The following GJC1 variants were observed in gnomAD, a reference collection of about 807,000 sequenced individuals.
The protein encoded by GJC1 is gap junction gamma-1 protein.
In GJC1, 5 loss-of-function variants were observed where a neutral mutation model predicts 29.3. The ratio of observed to expected loss-of-function variants is 0.17; its 90% CI spans 0.09 to 0.36. The LOEUF (loss-of-function observed/expected upper bound fraction) is 0.36, where lower values mean the gene tolerates loss of function less well. GJC1 is among the 10% of genes least tolerant of loss of function. The pLI, the probability that GJC1 is intolerant of heterozygous loss-of-function variation, is 1.00. For missense variants in GJC1, 310 were observed against 496.2 expected, an observed-to-expected ratio of 0.62 and a Z score of 3.56; for synonymous variants, 177 against 183.3, an observed-to-expected ratio of 0.97 and a Z score of 0.28.
chr17:44,816,633 G>C (rs768101182), intron 1 of GJC1, among the ~76,000 whole-genome samples: 31 of 152,036 alleles, frequency 2.0e-4, no homozygotes, highest in Non-Finnish European at 3.2e-4. Flanking sequence ...AGCTTCTCGA[G>C]TAGCTGGGAT....
At position 44,801,530 on chromosome 17, in the gene GJC1, G is replaced by T. The variant is rs1322976717; in HGVS notation, c.*3097C>A. ...ATACAAATCCCACCTGCATGATCCA[G>T]AACAATATTCTTACAGATTCAATGC... On this transcript the variant is annotated 3_prime_UTR_variant, in exon 3 of 3. Coordinates refer to ENST00000592524, the MANE Select transcript of GJC1 (RefSeq NM_005497.4). 1 of 152,038 alleles carries T rather than the reference G, an allele frequency of 6.6e-6. No individual in the cohort carries two copies. The highest frequency in any genetic ancestry group is 2.4e-5 in the African/African-American group (1 of 41,394). The allele number at this position is 152,038 out of a possible 1,614,324, so 9.4% of individuals were successfully genotyped here.
chr17:44,823,679 TG>T (rs1222413901), intron 1 of GJC1, among the ~76,000 whole-genome samples: 1 of 151,682 alleles, frequency 6.6e-6, no homozygotes, highest in Non-Finnish European at 1.5e-5. Flanking sequence ...CTGTGATTAC[TG>T]GTGTGAGGCA....
At position 44,830,236 on chromosome 17, in the gene GJC1, T is replaced by TGCC. The variant is rs997845649; in HGVS notation, c.-274_-272dup. ...CCGAGGCAGAAGCCGCTCCCGCCGC[T>TGCC]GCCGCCGCCGCCGCCGCCTCCCGCT... On this transcript the variant is annotated 5_prime_UTR_variant, in exon 1 of 3. Transcript: ENST00000592524. This position sits in a 1 kb window ranked among gnomAD's most constrained non-coding sequence, Gnocchi z 4.3. The TGCC allele has an allele frequency of 5.5e-4, 89 of 160,608 alleles. No individual in the cohort carries two copies. The highest frequency in any genetic ancestry group is 1.0e-3 in the South Asian group (6 of 5,816). The allele number at this position is 160,608 out of a possible 1,614,324, so 9.9% of individuals were successfully genotyped here. A position where few individuals can be genotyped will look rare whatever the true frequency, so the allele number is the denominator to read the frequency against.
chr17:44,818,213 C>CA (rs939249813), intron 1 of GJC1, among the ~76,000 whole-genome samples: 5 of 151,098 alleles, frequency 3.3e-5, no homozygotes, highest in African/African-American at 7.3e-5. Flanking sequence ...AACTCTGTCT[C>CA]AAAAAAACAA....
chr17:44,812,718 G>C (rs2145327611), intron 1 of GJC1, among the ~76,000 whole-genome samples: 1 of 151,836 alleles, frequency 6.6e-6, no homozygotes, highest in Middle Eastern at 3.4e-3. Context: ...CACAATCTCG[G>C]CTCTCTGCAA....
intron 1 of GJC1, among the ~76,000 whole-genome samples, chr17:44,814,866 CG>C (rs1459221485): frequency 6.6e-6 from 1 of 151,544 alleles, no homozygotes; most frequent in Non-Finnish European, 1.5e-5. Flanking sequence ...CACTTGAACC[CG>C]GGGGGCGGAG....
In GJC1 at chr17:44,808,631, G is replaced by A. The variant is rs2049940019; in HGVS notation, c.-96-1162C>T. ...ACACCCCCAAAATTAGCATGGTGAC[G>A]CACACCTGTGGTCCCAGCTACTTGG... is the stretch of plus-strand genomic sequence containing the variant. On this transcript the variant is annotated intron_variant, in intron 1 of 2. Coordinates refer to ENST00000592524, the MANE Select transcript of GJC1 (RefSeq NM_005497.4). Among the ~76,000 whole-genome samples, 4 of 152,184 alleles carry A rather than the reference G, an allele frequency of 2.6e-5. No homozygotes were observed. In the South Asian group the frequency reaches 6.2e-4, roughly 24 times the overall value.
chr17:44,802,911 A>T lies in GJC1; in HGVS notation c.*1716T>A, dbSNP rs1470418607. On this transcript the variant is annotated 3_prime_UTR_variant, in exon 3 of 3. Coordinates refer to ENST00000592524, the MANE Select transcript of GJC1 (RefSeq NM_005497.4). ...CCAGCTAATCAAGAGGCTGAGGTGG[A>T]ATGATTGCTTGAGCCTGGGAGGCAG... is the stretch of plus-strand genomic sequence containing the variant. The T allele has an allele frequency of 1.3e-5, 2 of 152,062 alleles. No homozygotes were observed. Among genetic ancestry groups the T allele is most frequent in the African/African-American group, 2.4e-5 (1 of 41,392 alleles). 9.4% of individuals were successfully genotyped at this position (152,062 alleles called of 1,614,324 possible). A position where few individuals can be genotyped will look rare whatever the true frequency, so the allele number is the denominator to read the frequency against.
At chr17:44,810,050 G>A (rs1383925825) in intron 1 of GJC1, among the ~76,000 whole-genome samples, 1 of 150,010 alleles carries the variant, frequency 6.7e-6, no homozygotes, top group African/African-American at 2.5e-5. Context: ...TTTTTGTAGA[G>A]ACTGGGTTTC....
In GJC1 at chr17:44,799,602, T is replaced by G. The variant is rs946604347; in HGVS notation, c.*5025A>C. ...ATTATTAACACTGATTAATAACACA[T>G]GAACCAAACCCACTTAATATCATTA... On this transcript the variant is annotated 3_prime_UTR_variant, in exon 3 of 3. Transcript: ENST00000592524. 2.6e-5 allele frequency: 4 copies of G among 151,808 alleles called. No homozygotes were observed. The highest frequency in any genetic ancestry group is 4.4e-5 in the Non-Finnish European group (3 of 67,936). The allele number at this position is 151,808 out of a possible 1,614,324, so 9.4% of individuals were successfully genotyped here. A position where few individuals can be genotyped will look rare whatever the true frequency, so the allele number is the denominator to read the frequency against.
At chr17:44,797,079 GCTAT>G (rs920895338), downstream of GJC1, among the ~76,000 whole-genome samples, 34 of 151,874 alleles carry the variant, frequency 2.2e-4, no homozygotes, top group African/African-American at 4.6e-4. Context: ...TCTATATATC[GCTAT>G]CTCTCTCTGT....
chr17:44,819,690 AT>A (rs2050086478), intron 1 of GJC1, among the ~76,000 whole-genome samples: 5 of 151,408 alleles, frequency 3.3e-5, no homozygotes, highest in Admixed American at 1.3e-4. Flanking sequence ...AAATAAATAA[AT>A]AAATAAATAA....
At chr17:44,821,102 C>T (rs1040811172) in intron 1 of GJC1, among the ~76,000 whole-genome samples, 34 of 152,142 alleles carry the variant, frequency 2.2e-4, no homozygotes, top group African/African-American at 7.2e-4. Context: ...GGTTGAAGTG[C>T]CAATTTTCGC....
chr17:44,823,507 C>A (rs1326243622), intron 1 of GJC1, among the ~76,000 whole-genome samples: 1 of 151,908 alleles, frequency 6.6e-6, no homozygotes, highest in East Asian at 1.9e-4. Context: ...GCCTCGGCCT[C>A]CCAAAGTGCT....
Position 44,805,610 on chromosome 17 carries a change from G to A in GJC1, c.208C>T (p.Pro70Ser). The change falls in exon 3 of 3, where the codon CCT becomes TCT. Residue 70 changes from proline to serine, a missense_variant. By Grantham distance (74) the Pro-to-Ser change is moderately conservative. Transcript: ENST00000592524. The surrounding 1 kb of genome is among the most constrained non-coding windows in gnomAD (Gnocchi z 5.1). Reference sequence around the variant, plus strand: ...ACCCAGAAGCGTACATGGGAGAGAGGTGCAAACGCATCATAACAGACATTC... The same window carrying A: ...ACCCAGAAGCGTACATGGGAGAGAGATGCAAACGCATCATAACAGACATTC... ...CENVCYDAFA[P>S]LSHVRFWVFQ... 1 of 1,614,132 alleles carries A rather than the reference G, an allele frequency of 6.2e-7. No homozygotes were observed. Among genetic ancestry groups the A allele is most frequent in the Non-Finnish European group, 8.5e-7 (1 of 1,179,998 alleles).
chr17:44,810,513 G>C (rs150611182), intron 1 of GJC1, among the ~76,000 whole-genome samples: 120 of 152,224 alleles, frequency 7.9e-4, no homozygotes, highest in African/African-American at 2.7e-3. Context: ...GTTTTCCATA[G>C]ACAATCCTAA....
intron 1 of GJC1, among the ~76,000 whole-genome samples, chr17:44,810,527 CCA>C (rs1257474373): frequency 7.9e-5 from 12 of 152,202 alleles, no homozygotes; most frequent in Admixed American, 1.3e-4. Context: ...ATCCTAAGAG[CCA>C]CAGAGTATGG....
chr17:44,824,169 G>A (rs147577293), intron 1 of GJC1, among the ~76,000 whole-genome samples: 19,785 of 151,544 alleles, frequency 0.13, 1,574 homozygotes, highest in South Asian at 0.23. Flanking sequence ...CACCATGCCC[G>A]GCTAATTTTT....
At chr17:44,827,657 G>A (rs1028056800) in intron 1 of GJC1, among the ~76,000 whole-genome samples, 1 of 152,066 alleles carries the variant, frequency 6.6e-6, no homozygotes, top group Non-Finnish European at 1.5e-5. Flanking sequence ...GGATGGCCGG[G>A]CACGGTGGCT....
Sources: allele counts gnomAD v4.1 joint callset (sites outside exome capture counted in the v4.1 genomes callset), GRCh38; gene constraint gnomAD v4.1.1; non-coding constraint Gnocchi (gnomAD v3.1); transcripts MANE v1.5; gene names NCBI Gene and HGNC (gene_info 2026-07-23, HGNC 2026-07-21).